STX5: variants seen among roughly 807,000 people sequenced by gnomAD.
The protein encoded by STX5 is syntaxin-5.
STX5 carries 15 observed loss-of-function variants against 42.9 expected under a neutral mutation model. The ratio of observed to expected loss-of-function variants is 0.35; its 90% confidence interval spans 0.23 to 0.54. The LOEUF (loss-of-function observed/expected upper bound fraction) is 0.54. STX5 is among the 20% of genes least tolerant of loss of function. The pLI, the probability that STX5 is intolerant of heterozygous loss-of-function variation, is 0.91. For missense variants in STX5, 430 were observed against 455.0 expected, an observed-to-expected ratio of 0.95 and a Z score of 0.50; for synonymous variants, 184 against 173.2, an observed-to-expected ratio of 1.06 and a Z score of -0.49.
At position 62,821,522 on chromosome 11, in the gene STX5, C is replaced by T. The variant is rs529594100; in HGVS notation, c.908+2644G>A. On this transcript the variant is annotated intron_variant, in intron 10 of 10. Coordinates refer to ENST00000294179, the MANE Select transcript of STX5 (RefSeq NM_003164.5). The stretch of plus-strand genomic sequence containing the variant: ...GGCGGATTGCCTGAGGTCAGGAGGT[C>T]GAGACCAGCCTGGCCAACATGCTGA... Among the ~76,000 whole-genome samples the T allele has an allele frequency of 9.4e-5, 14 of 149,634 alleles. No individual in the cohort carries two copies. In the East Asian group the frequency reaches 2.0e-3, roughly 22 times the overall value.
chr11:62,810,524 C>T (rs1343094722), intron 10 of STX5, among the ~76,000 whole-genome samples: 2 of 152,060 alleles, frequency 1.3e-5, no homozygotes, highest in East Asian at 3.8e-4. Context: ...ATTGTGCTAT[C>T]CTCCCAACTT....
chr11:62,831,291 C>T, intron 1 of STX5, 29 bp from the exon 2 acceptor site: 3 of 1,487,642 alleles, frequency 2.0e-6, no homozygotes, highest in Non-Finnish European at 2.8e-6. Flanking sequence ...TGTCATTCCC[C>T]AGGCAACTTC....
intron 10 of STX5, among the ~76,000 whole-genome samples, chr11:62,822,769 T>C (rs1411432811): frequency 1.3e-5 from 2 of 151,862 alleles, no homozygotes; most frequent in Non-Finnish European, 2.9e-5. Flanking sequence ...AGGATACACG[T>C]TCCACAAGGG....
chr11:62,821,749 C>G (rs2084742730), intron 10 of STX5, among the ~76,000 whole-genome samples: 1 of 151,498 alleles, frequency 6.6e-6, no homozygotes, highest in South Asian at 2.1e-4. Flanking sequence ...AAATTAACAC[C>G]GGGCATGGTG....
In STX5 at chr11:62,807,598, C is replaced by T; in HGVS notation, c.939G>A (p.Leu313=). The change falls in exon 11 of 11, where the codon CTG becomes CTA. Residue 313 remains leucine (L), a synonymous_variant. Coordinates refer to ENST00000294179, the MANE Select transcript of STX5 (RefSeq NM_003164.5). ...RIDENVLGAQ[L]DVEAAHSEIL... ...TCTCTGAATGGGCGGCCTCAACGTC[C>T]AGCTGGGCTCCTAGCACGTTCTCGT... 1.9e-6 allele frequency: 3 copies of T among 1,614,116 alleles called. No individual in the cohort carries two copies. The highest frequency in any genetic ancestry group is 2.5e-6 in the Non-Finnish European group (3 of 1,180,018).
intron 10 of STX5, among the ~76,000 whole-genome samples, chr11:62,820,544 T>A (rs1428955903): frequency 6.7e-6 from 1 of 148,190 alleles, no homozygotes; most frequent in Admixed American, 6.8e-5. Context: ...TGAGATGGAG[T>A]CTCACTCTGT....
intron 10 of STX5, among the ~76,000 whole-genome samples, chr11:62,822,643 C>T (rs1425050280): frequency 6.6e-6 from 1 of 151,918 alleles, no homozygotes; most frequent in Middle Eastern, 3.4e-3. Context: ...CCAAACCTGG[C>T]ACTCCTGATT....
intron 5 of STX5, 63 bp from the exon 6 acceptor site, chr11:62,825,602 A>C: frequency 6.3e-6 from 9 of 1,417,758 alleles, no homozygotes; most frequent in Non-Finnish European, 8.9e-6. Flanking sequence ...AGCATCTCTC[A>C]CGATGGCCAT....
chr11:62,809,287 C>CAA (rs1174325165), intron 10 of STX5, among the ~76,000 whole-genome samples: 19 of 62,028 alleles, frequency 3.1e-4, no homozygotes, highest in East Asian at 4.5e-4. Flanking sequence ...GACTCCGTCT[C>CAA]AAAAAAAAAA....
chr11:62,825,707 A>G (rs1176451459), intron 5 of STX5, among the ~76,000 whole-genome samples, 168 bp from the exon 6 acceptor site: 1 of 152,202 alleles, frequency 6.6e-6, no homozygotes, highest in Non-Finnish European at 1.5e-5. Flanking sequence ...TCCAAGGTCT[A>G]GTGTTTGCTC....
chr11:62,809,996 G>A (rs1257463205), intron 10 of STX5, among the ~76,000 whole-genome samples: 1 of 151,468 alleles, frequency 6.6e-6, no homozygotes, highest in African/African-American at 2.4e-5. Flanking sequence ...CAGCTACTCA[G>A]GAGGCTGAGG....
At chr11:62,830,162 CT>C (rs201147713) in intron 2 of STX5, among the ~76,000 whole-genome samples, 8,595 of 137,662 alleles carry the variant, frequency 0.062, 271 homozygotes, top group East Asian at 0.15. Context: ...CCACGTCCAG[CT>C]TTTTTTTTTT....
At chr11:62,828,671 A>C (rs1565216166) in intron 2 of STX5, among the ~76,000 whole-genome samples, 2 of 152,184 alleles carry the variant, frequency 1.3e-5, no homozygotes, top group African/African-American at 4.8e-5. Context: ...GGCTGCCGTG[A>C]GCCAAGATCC....
chr11:62,824,696 T>C, intron 8 of STX5, 131 bp from the exon 9 acceptor site: 2 of 808,768 alleles, frequency 2.5e-6, no homozygotes, highest in Non-Finnish European at 2.0e-6. Context: ...TTAACCTCTC[T>C]GAGCCTCAGT....
intron 2 of STX5, among the ~76,000 whole-genome samples, chr11:62,828,713 G>A (rs111272418): frequency 2.3e-3 from 345 of 149,914 alleles, no homozygotes; most frequent in Admixed American, 4.4e-3. Flanking sequence ...GTGACAGAGC[G>A]AGACTCCGTC....
At chr11:62,820,437 G>A (rs1007985020) in intron 10 of STX5, among the ~76,000 whole-genome samples, 3 of 151,658 alleles carry the variant, frequency 2.0e-5, no homozygotes, top group Non-Finnish European at 4.4e-5. Context: ...ACTTTTGGAG[G>A]CCAAGGTGGG....
rs572813822 is a variant in STX5 at position 62,825,109 on chromosome 11, C to T, written c.606G>A (p.Lys202=). Residue 202 remains lysine (K), a synonymous_variant, in exon 8 of 11, where the codon AAG becomes AAA. Coordinates refer to ENST00000294179, the MANE Select transcript of STX5 (RefSeq NM_003164.5). ...ACTGCTCTCTCCGGCTCCTCTGCTG[C>T]TTCAGGTTCTGGGGTTGGGGAAAAA... is the stretch of plus-strand genomic sequence containing the variant. ...SVLEVRTENL[K]QQRSRREQFS... is the part of the protein sequence containing the mutation. The T allele has an allele frequency of 6.2e-7, 1 of 1,613,342 alleles. No individual in the cohort carries two copies. The highest frequency in any genetic ancestry group is 8.5e-7 in the Non-Finnish European group (1 of 1,180,010).
rs1339524551 is a variant in STX5, at chr11:62,824,506, T to C, written c.739A>G (p.Met247Val). The change falls in exon 9 of 11, where the codon ATG (methionine) becomes GTG (valine). Residue 247 changes from methionine to valine, a missense_variant. Transcript: ENST00000294179. ...TGCTGGCTGGTCCGAGAGTCCATCA[T>C]GTCGATGGCGACATCCTTGGAGGCA... ...SHASKDVAID[M>V]MDSRTSQQLQ... 29 of 1,614,230 alleles carry C rather than the reference T, an allele frequency of 1.8e-5. No homozygotes were observed. Among genetic ancestry groups the C allele is most frequent in the Non-Finnish European group, 2.4e-5 (28 of 1,180,042 alleles).
intron 10 of STX5, among the ~76,000 whole-genome samples, chr11:62,808,680 T>C (rs2084581052): frequency 1.3e-5 from 2 of 152,206 alleles, no homozygotes; most frequent in South Asian, 4.1e-4. Flanking sequence ...TGCATGGATT[T>C]TGGTTTCCTC....
Sources: allele counts gnomAD v4.1 joint callset (sites outside exome capture counted in the v4.1 genomes callset), GRCh38; gene constraint gnomAD v4.1.1; transcripts MANE v1.5; gene names NCBI Gene and HGNC (gene_info 2026-07-23, HGNC 2026-07-21).